The following OR2AT4 variants were observed in gnomAD, a reference collection of about 807,000 sequenced individuals.
The protein encoded by OR2AT4 is olfactory receptor 2AT4.
Under a neutral mutation model 10.3 loss-of-function variants are expected in OR2AT4, and 6 were observed. The observed-to-expected ratio is 0.58, with a 90% confidence interval of 0.32 to 1.15. The LOEUF (loss-of-function observed/expected upper bound fraction) is 1.15, where lower values mean the gene tolerates loss of function less well. Ranked by LOEUF, OR2AT4 falls within the 50% of genes most tolerant of loss-of-function variation. The pLI, the probability that OR2AT4 is intolerant of heterozygous loss-of-function variation, is 0.05. For missense variants in OR2AT4, 354 were observed against 393.8 expected, an observed-to-expected ratio of 0.90 and a Z score of 0.85; for synonymous variants, 145 against 159.1, an observed-to-expected ratio of 0.91 and a Z score of 0.67.
exon 2 of OR2AT4, chr11:75,085,895 A>C (rs1949288069): frequency 6.6e-6 from 1 of 152,110 alleles, no homozygotes; most frequent in African/African-American, 2.4e-5. Context: ...ACTGCAAAAA[A>C]ATTAATAAAG....
chr11:75,085,775 C>T (rs1316070551), exon 2 of OR2AT4: 2 of 152,110 alleles, frequency 1.3e-5, no homozygotes, highest in Non-Finnish European at 2.9e-5. Flanking sequence ...AAAATGACAA[C>T]TGTCCCAAAT....
At chr11:75,089,023 G>A (rs1002125545) in exon 2 of OR2AT4, 4 of 1,614,202 alleles carry the variant, frequency 2.5e-6, no homozygotes, top group Admixed American at 1.7e-5. Context: ...CTGATGCGAA[G>A]CACTGAGGCC....
intron 1 of OR2AT4, chr11:75,096,079 A>G (rs1217216033): frequency 6.6e-6 from 1 of 152,202 alleles, no homozygotes; most frequent in African/African-American, 2.4e-5. Context: ...GAGCTAGATT[A>G]TCAACTCACC....
intron 1 of OR2AT4, among the ~76,000 whole-genome samples, chr11:75,094,678 T>C (rs1949337962): frequency 6.6e-6 from 1 of 151,146 alleles, no homozygotes; most frequent in Non-Finnish European, 1.5e-5. Flanking sequence ...AGCCCAGGAG[T>C]TCAAGACTGC....
At chr11:75,082,333 G>C (rs934250976) in exon 2 of OR2AT4, 1 of 151,958 alleles carries the variant, frequency 6.6e-6, no homozygotes, top group Non-Finnish European at 1.5e-5. Context: ...GATAGCATTA[G>C]GAGATATATC....
exon 2 of OR2AT4, chr11:75,085,466 TTGAGAA>T (rs1285283646): frequency 1.3e-5 from 2 of 152,074 alleles, no homozygotes; most frequent in Non-Finnish European, 2.9e-5. Context: ...TACAATGTTT[TTGAGAA>T]TGTAGAAGAG....
chr11:75,096,223 C>T (rs1208647130), intron 1 of OR2AT4: 1 of 152,156 alleles, frequency 6.6e-6, no homozygotes, highest in Non-Finnish European at 1.5e-5. Flanking sequence ...AGTATCTACT[C>T]TGTGTTTAGA....
rs868270092 is a variant in OR2AT4 at position 75,089,143 on chromosome 11, GGACCACAGCCA to G, written c.560_570del (p.Leu187ProfsTer6). ...GGGGTGGTGTCAGAGCAGGAGGCCTGGACCACAGCCAGATGATCACAGAAGCAGTGGTAGAT... is the reference window on the plus strand; with the variant it reads ...GGGGTGGTGTCAGAGCAGGAGGCCTGGATGATCACAGAAGCAGTGGTAGAT... On this transcript the variant is annotated frameshift_variant, in exon 2 of 2. Transcript: ENST00000641504. LOFTEE classifies it high-confidence loss of function. 1.5e-5 allele frequency: 24 copies of G among 1,614,000 alleles called. No individual in the cohort carries two copies. In the African/African-American group the frequency reaches 3.1e-4, roughly 21 times the overall value.
chr11:75,094,112 C>T (rs569191830), intron 1 of OR2AT4, among the ~76,000 whole-genome samples: 2 of 152,024 alleles, frequency 1.3e-5, no homozygotes, highest in African/African-American at 2.4e-5. Flanking sequence ...CGTGAACCAC[C>T]GCACCCAGCC....
intron 1 of OR2AT4, 115 bp from the exon 2 acceptor site, chr11:75,090,479 T>C (rs1949316195): frequency 6.6e-6 from 1 of 152,184 alleles, no homozygotes. Flanking sequence ...ATGGGTGCCA[T>C]AAGGATGAGA....
At chr11:75,091,374 T>C (rs1949319519) in intron 1 of OR2AT4, among the ~76,000 whole-genome samples, 1 of 152,238 alleles carries the variant, frequency 6.6e-6, no homozygotes, top group Non-Finnish European at 1.5e-5. Context: ...ACAAGGACTC[T>C]AGTATAACTA....
At chr11:75,094,706 C>T (rs1032330535) in intron 1 of OR2AT4, among the ~76,000 whole-genome samples, 1 of 152,100 alleles carries the variant, frequency 6.6e-6, no homozygotes, top group African/African-American at 2.4e-5. Flanking sequence ...TATAATCATG[C>T]CACTGCACCC....
exon 2 of OR2AT4, chr11:75,083,085 A>C (rs557761991): frequency 3.5e-5 from 1 of 28,534 alleles, no homozygotes; most frequent in Non-Finnish European, 6.5e-5. Context: ...TCAAAAAAGG[A>C]GGGTGGGGGA....
chr11:75,083,798 C>A (rs1441086507), exon 2 of OR2AT4: 1 of 151,952 alleles, frequency 6.6e-6, no homozygotes, highest in Non-Finnish European at 1.5e-5. Context: ...ACAGAGAAAC[C>A]CCGTCTTTAC....
intron 1 of OR2AT4, among the ~76,000 whole-genome samples, chr11:75,094,434 G>T (rs1490730422): frequency 1.3e-5 from 2 of 152,160 alleles, no homozygotes; most frequent in Admixed American, 1.3e-4. Context: ...GAGAGTGAAG[G>T]CAGGTATAAT....
intron 1 of OR2AT4, among the ~76,000 whole-genome samples, chr11:75,094,497 C>T (rs942304736): frequency 6.6e-6 from 1 of 152,092 alleles, no homozygotes; most frequent in Non-Finnish European, 1.5e-5. Flanking sequence ...CCTGTAATCC[C>T]AGAACTTTGG....
At chr11:75,085,225 G>A (rs956514096) in exon 2 of OR2AT4, 12 of 151,944 alleles carry the variant, frequency 7.9e-5, no homozygotes, top group African/African-American at 2.4e-4. Flanking sequence ...TAAGGGAACA[G>A]TACAAACAAC....
At chr11:75,093,049 G>A (rs7107943) in intron 1 of OR2AT4, among the ~76,000 whole-genome samples, 11,902 of 152,212 alleles carry the variant, frequency 0.078, 809 homozygotes, top group African/African-American at 0.18. Flanking sequence ...GCAGTGAGCC[G>A]AGATCACGTC....
chr11:75,093,776 C>G (rs545294318), intron 1 of OR2AT4, among the ~76,000 whole-genome samples: 1 of 147,928 alleles, frequency 6.8e-6, no homozygotes, highest in South Asian at 2.2e-4. Context: ...GGCGGCTTTT[C>G]CTTTTCTCTT....
Sources: allele counts gnomAD v4.1 joint callset (sites outside exome capture counted in the v4.1 genomes callset), GRCh38; gene constraint gnomAD v4.1.1; transcripts MANE v1.5; gene names NCBI Gene and HGNC (gene_info 2026-07-23, HGNC 2026-07-21).